The following INSYN2B variants were observed in gnomAD, a reference collection of about 807,000 sequenced individuals.
The protein encoded by INSYN2B is inhibitory synaptic factor family member 2B.
A neutral mutation model predicts 41.2 loss-of-function variants in INSYN2B; 16 were observed. The ratio of observed to expected loss-of-function variants is 0.39; its 90% CI spans 0.26 to 0.59. The LOEUF (loss-of-function observed/expected upper bound fraction) is 0.59. Among genes scored for constraint, INSYN2B ranks in the 20% least tolerant of loss-of-function variants. The pLI is 0.57. For synonymous variants in INSYN2B, 245 were observed against 244.4 expected, an observed-to-expected ratio of 1.00 and a Z score of -0.02; for missense variants, 608 against 646.4, an observed-to-expected ratio of 0.94 and a Z score of 0.64.
intron 1 of INSYN2B, among the ~76,000 whole-genome samples, chr5:169,958,688 A>G (rs1022536236): frequency 2.6e-5 from 4 of 152,176 alleles, no homozygotes; most frequent in African/African-American, 9.6e-5. Context: ...TCTCTTGAAG[A>G]TGGTTAAGTA....
In INSYN2B at chr5:169,894,356, A is replaced by G. The variant is rs577072305; in HGVS notation, c.-918-9540T>C. Among the ~76,000 whole-genome samples the G allele has an allele frequency of 8.5e-5, 13 of 152,300 alleles. No homozygotes were observed. The South Asian group carries it at 1.0e-3, about 12-fold the overall frequency. On this transcript the variant is annotated intron_variant, in intron 1 of 3. Transcript: ENST00000377365. ...AGAGGTGCCTTGGGTGGGGGCTGGC[A>G]GGATTGGCCCACAGCATGACTTGGA... is the stretch of plus-strand genomic sequence containing the variant.
chr5:169,958,796 C>T (rs1249759595), intron 1 of INSYN2B, among the ~76,000 whole-genome samples: 1 of 152,104 alleles, frequency 6.6e-6, no homozygotes, highest in Non-Finnish European at 1.5e-5. Flanking sequence ...CCCAGTCACC[C>T]TCATAATTGG....
At chr5:169,900,631 A>G (rs1329319455) in intron 1 of INSYN2B, among the ~76,000 whole-genome samples, 1 of 152,204 alleles carries the variant, frequency 6.6e-6, no homozygotes, top group Admixed American at 6.5e-5. Flanking sequence ...TTCATGCACT[A>G]CTTCTAATTA....
intron 1 of INSYN2B, among the ~76,000 whole-genome samples, chr5:169,956,935 G>A (rs1221720193): frequency 1.3e-5 from 2 of 152,130 alleles, no homozygotes; most frequent in African/African-American, 2.4e-5. Context: ...GGCCTGCAGA[G>A]CCAGCACTGT....
chr5:169,908,713 C>CTTTTTT (rs34261104), intron 1 of INSYN2B, among the ~76,000 whole-genome samples: 84 of 104,952 alleles, frequency 8.0e-4, no homozygotes, highest in Non-Finnish European at 1.2e-3. Flanking sequence ...TTTCTTTTTT[C>CTTTTTT]TTTTTTTTTT....
At position 169,888,888 on chromosome 5, in the gene INSYN2B, C is replaced by T. The variant is rs1773125714; in HGVS notation, c.-918-4072G>A. On this transcript the variant is annotated intron_variant, in intron 1 of 3. Coordinates refer to ENST00000377365, the MANE Select transcript of INSYN2B (RefSeq NM_001129891.3). The stretch of plus-strand genomic sequence containing the variant: ...TGGGATAGTAAACTGTAGGTGCATT[C>T]ATGGGAAGGAATGTACAAAGATGGC... 4.6e-5 allele frequency among the ~76,000 whole-genome samples: 7 copies of T among 152,172 alleles called. No individual in the cohort carries two copies. The South Asian group carries it at 1.5e-3, about 32-fold the overall frequency.
intron 1 of INSYN2B, among the ~76,000 whole-genome samples, chr5:169,918,185 C>G (rs965173747): frequency 6.6e-6 from 1 of 152,192 alleles, no homozygotes; most frequent in Admixed American, 6.5e-5. Context: ...AATACAGAAA[C>G]CACATATGAT....
At chr5:169,871,530 A>G (rs1561782666) in intron 3 of INSYN2B, among the ~76,000 whole-genome samples, 1 of 152,236 alleles carries the variant, frequency 6.6e-6, no homozygotes, top group Non-Finnish European at 1.5e-5. Flanking sequence ...AAATGAGAAA[A>G]CTGAGGCAAA....
intron 1 of INSYN2B, among the ~76,000 whole-genome samples, chr5:169,938,922 G>C (rs151167111): frequency 0.054 from 3,617 of 67,462 alleles, 153 homozygotes; most frequent in African/African-American, 0.16. Context: ...TTTTTTTTTT[G>C]AAATGGAGTC....
chr5:169,873,019 C>G (rs1036564695), intron 3 of INSYN2B, among the ~76,000 whole-genome samples: 2 of 152,170 alleles, frequency 1.3e-5, no homozygotes, highest in African/African-American at 4.8e-5. Flanking sequence ...TCGGATCACT[C>G]TGTGATCACC....
At chr5:169,973,358 A>C (rs987447603) in intron 1 of INSYN2B, among the ~76,000 whole-genome samples, 9 of 152,162 alleles carry the variant, frequency 5.9e-5, no homozygotes, top group African/African-American at 2.2e-4. Context: ...CTGATCACAG[A>C]CTGTTCCTGG....
At chr5:169,958,213 G>A (rs1776945123) in intron 1 of INSYN2B, among the ~76,000 whole-genome samples, 1 of 103,192 alleles carries the variant, frequency 9.7e-6, no homozygotes, top group African/African-American at 4.6e-5. Flanking sequence ...CAGATAATCT[G>A]GAAACTTTGT....
At chr5:169,978,376 T>C (rs1220355397) in intron 1 of INSYN2B, among the ~76,000 whole-genome samples, 2 of 14,372 alleles carry the variant, frequency 1.4e-4, no homozygotes, top group South Asian at 2.2e-3. Flanking sequence ...GCTCTGTGTA[T>C]GTGTGTGTGT....
At chr5:169,922,111 A>T (rs1356110499) in intron 1 of INSYN2B, among the ~76,000 whole-genome samples, 2 of 152,208 alleles carry the variant, frequency 1.3e-5, no homozygotes, top group Non-Finnish European at 2.9e-5. Context: ...CACATTTGAG[A>T]GAGAACGTTA....
intron 3 of INSYN2B, among the ~76,000 whole-genome samples, chr5:169,877,527 G>T (rs116087720): frequency 5.3e-4 from 81 of 152,300 alleles, no homozygotes; most frequent in African/African-American, 1.9e-3. Context: ...TTGGTCAATG[G>T]TGTTGAACAA....
intron 1 of INSYN2B, among the ~76,000 whole-genome samples, chr5:169,927,861 C>A (rs1775550013): frequency 6.6e-6 from 1 of 152,172 alleles, no homozygotes; most frequent in East Asian, 1.9e-4. Context: ...CATGATCCAC[C>A]CGTCTCGGCC....
chr5:169,890,331 G>A (rs1773212746), intron 1 of INSYN2B, among the ~76,000 whole-genome samples: 1 of 152,166 alleles, frequency 6.6e-6, no homozygotes. Flanking sequence ...GCCATTTACT[G>A]TTGATCATTC....
At chr5:169,915,557 AACACACACACAC>A (rs56728646) in intron 1 of INSYN2B, among the ~76,000 whole-genome samples, 221 of 143,488 alleles carry the variant, frequency 1.5e-3, no homozygotes, top group Non-Finnish European at 2.0e-3. Flanking sequence ...ATTGACAGGG[AACACACACACAC>A]ACACACACAC....
At chr5:169,968,092 C>T (rs538561375) in intron 1 of INSYN2B, among the ~76,000 whole-genome samples, 1 of 152,308 alleles carries the variant, frequency 6.6e-6, no homozygotes, top group East Asian at 1.9e-4. Context: ...GGAGAGAAAA[C>T]CTTCCTGGAA....
Sources: gnomAD v4.1 joint callset for allele counts (sites outside exome capture counted in the v4.1 genomes callset) on GRCh38, gnomAD v4.1.1 for gene constraint, MANE v1.5 for transcripts, NCBI Gene and HGNC (gene_info 2026-07-23, HGNC 2026-07-21) for gene names.